The following CEP72 variants were observed in gnomAD, a reference collection of about 807,000 sequenced individuals.
CEP72 encodes centrosomal protein 72.
A neutral mutation model predicts 65.7 loss-of-function variants in CEP72; 78 were observed. The ratio of observed to expected loss-of-function variants is 1.19; its 90% CI spans 0.99 to 1.43. CEP72 has a LOEUF of 1.43. CEP72 is among the 40% of genes most tolerant of loss of function. CEP72 has a pLI of 0.00. For missense variants in CEP72, 914 were observed against 832.9 expected, an observed-to-expected ratio of 1.10 and a Z score of -1.20; for synonymous variants, 358 against 351.7, an observed-to-expected ratio of 1.02 and a Z score of -0.20.
downstream of CEP72, among the ~76,000 whole-genome samples, chr5:658,389 A>G (rs1739439813): frequency 6.6e-6 from 1 of 152,156 alleles, no homozygotes; most frequent in African/African-American, 2.4e-5. Flanking sequence ...CTCACCAGTG[A>G]GCCTCTTGTG....
chr5:620,371 G>T (rs16900931), intron 3 of CEP72, 110 bp downstream of exon 3: 46,413 of 961,686 alleles, frequency 0.048, 2,865 homozygotes, highest in African/African-American at 0.27. Flanking sequence ...ATTCCTTCTG[G>T]AACGGGGAGT....
At chr5:664,820 A>G (rs1454527677) in intron 2 of CEP72, 4 of 421,464 alleles carry the variant, frequency 9.5e-6, no homozygotes, top group African/African-American at 2.0e-5. Flanking sequence ...CCACGTGCCC[A>G]GTGTGGTGTG....
chr5:674,818 G>A, the CEP72 span, among the ~76,000 whole-genome samples: 23 of 151,748 alleles, frequency 1.5e-4, 1 homozygote, highest in African/African-American at 2.2e-4. Context: ...TCCAGGCAGC[G>A]GCTGACATAA....
intron 1 of CEP72, among the ~76,000 whole-genome samples, chr5:617,908 G>A (rs1384525225): frequency 2.0e-5 from 3 of 152,214 alleles, no homozygotes; most frequent in Admixed American, 1.3e-4. Context: ...AAACATAAAT[G>A]TTCCCAGGAA....
chr5:668,287 G>C (rs376731668), downstream of CEP72, among the ~76,000 whole-genome samples: 378 of 63,754 alleles, frequency 5.9e-3, 47 homozygotes, highest in African/African-American at 0.027. Flanking sequence ...CCGCGTGGGC[G>C]CCGTCAGGGA....
chr5:661,099 A>C (rs1739573759), downstream of CEP72: 2 of 152,290 alleles, frequency 1.3e-5, no homozygotes, highest in South Asian at 4.2e-4. Context: ...ATAAATAAGC[A>C]CTCTGGCGTG....
downstream of CEP72, among the ~76,000 whole-genome samples, chr5:670,855 C>T (rs1740196266): frequency 6.6e-6 from 1 of 152,196 alleles, no homozygotes; most frequent in African/African-American, 2.4e-5. Flanking sequence ...GTGACTCCAC[C>T]AGCAGCTGAG....
chr5:629,986 T>TG (rs1737116787), intron 4 of CEP72, among the ~76,000 whole-genome samples: 1 of 18,374 alleles, frequency 5.4e-5, no homozygotes, highest in Admixed American at 5.5e-4. Context: ...CTGGTGGGGT[T>TG]CTGTCCAGTG....
chr5:640,210 T>C (rs940332968), intron 8 of CEP72, among the ~76,000 whole-genome samples, 198 bp from the exon 9 acceptor site: 1 of 152,208 alleles, frequency 6.6e-6, no homozygotes, highest in African/African-American at 2.4e-5. Flanking sequence ...CTCTTCTCTT[T>C]CTTCAGTTCC....
the CEP72 span, among the ~76,000 whole-genome samples, chr5:673,261 TC>T: frequency 6.6e-5 from 10 of 152,162 alleles, no homozygotes; most frequent in African/African-American, 2.4e-4. Flanking sequence ...TCCTCTCTCT[TC>T]CTGAGACAAG....
chr5:666,245 C>T (rs991451225), intron 4 of CEP72: 43 of 1,164,380 alleles, frequency 3.7e-5, no homozygotes, highest in East Asian at 4.9e-5. Context: ...CACCCACAGG[C>T]GGCCGCCCTG....
intron 4 of CEP72, among the ~76,000 whole-genome samples, chr5:626,208 G>A (rs1201241516): frequency 1.6e-4 from 24 of 152,002 alleles, no homozygotes; most frequent in African/African-American, 5.3e-4. Context: ...CTTCCAGATC[G>A]GTATACCTTT....
chr5:618,417 A>G (rs890465219), intron 1 of CEP72, among the ~76,000 whole-genome samples: 2 of 90,128 alleles, frequency 2.2e-5, no homozygotes, highest in African/African-American at 7.9e-5. Context: ...ACAATAGGAC[A>G]CATGTGTTAA....
intron 1 of CEP72, among the ~76,000 whole-genome samples, chr5:614,235 C>A (rs566325624): frequency 1.4e-4 from 21 of 151,902 alleles, no homozygotes; most frequent in Admixed American, 1.3e-4. Flanking sequence ...GCTTGCTTTG[C>A]ATTTATTTTA....
intron 9 of CEP72, chr5:643,718 A>T: frequency 1.1e-6 from 1 of 949,038 alleles, no homozygotes; most frequent in South Asian, 4.9e-5. Flanking sequence ...GGCGGCTTGG[A>T]TGGCTCACAC....
intron 9 of CEP72, 197 bp from the exon 10 acceptor site, chr5:644,102 C>T: frequency 1.7e-6 from 1 of 581,262 alleles, no homozygotes; most frequent in Non-Finnish European, 3.0e-6. Context: ...CCCCCCTCCC[C>T]TGAGGGTGCT....
chr5:617,489 C>T (rs1402778779), intron 1 of CEP72, among the ~76,000 whole-genome samples: 1 of 152,122 alleles, frequency 6.6e-6, no homozygotes, highest in East Asian at 1.9e-4. Flanking sequence ...CCAACATGGT[C>T]AGGAAACCAC....
chr5:663,682 C>T (rs1028942504), intron 2 of CEP72: 1 of 152,406 alleles, frequency 6.6e-6, no homozygotes, highest in Admixed American at 6.5e-5. Flanking sequence ...CGCCACCCTC[C>T]TGTACTGTGA....
At chr5:621,805 G>A (rs147520818) in intron 3 of CEP72, among the ~76,000 whole-genome samples, 2,437 of 152,282 alleles carry the variant, frequency 0.016, 63 homozygotes, top group African/African-American at 0.055. Context: ...ACATAGTCTC[G>A]CTTCATCGCC....
Sources: allele counts gnomAD v4.1 joint callset (sites outside exome capture counted in the v4.1 genomes callset), GRCh38; gene constraint gnomAD v4.1.1; transcripts MANE v1.5; gene names NCBI Gene and HGNC (gene_info 2026-07-23, HGNC 2026-07-21).